AFAP1: variants seen among roughly 807,000 people sequenced by gnomAD.
AFAP1 encodes actin filament associated protein 1.
In AFAP1, 75 loss-of-function variants were observed where a neutral mutation model predicts 93.9. The ratio of observed to expected loss-of-function variants is 0.80; its 90% CI spans 0.66 to 0.97. The LOEUF (loss-of-function observed/expected upper bound fraction) is 0.97, where lower values mean the gene tolerates loss of function less well. Among genes scored for constraint, AFAP1 ranks in the 50% least tolerant of loss-of-function variants. The pLI, the probability that AFAP1 is intolerant of heterozygous loss-of-function variation, is 0.00. For synonymous variants in AFAP1, 517 were observed against 430.7 expected, an observed-to-expected ratio of 1.20 and a Z score of -2.48; for missense variants, 1,201 against 1,050.8, an observed-to-expected ratio of 1.14 and a Z score of -1.98.
At position 7,762,683 on chromosome 4, in the gene AFAP1, G is replaced by C. The variant is rs991435665; in HGVS notation, c.*1082C>G. ...CTACTCAGGAGAGGCAGCACGGCCA[G>C]GCCCACCAACACATTAGTGGTTTAA... is the stretch of plus-strand genomic sequence containing the variant. On this transcript the variant is annotated 3_prime_UTR_variant, in exon 18 of 18. Transcript: ENST00000420658. 6.6e-6 allele frequency: 1 copy of C among 152,316 alleles called. No homozygotes were observed. The highest frequency in any genetic ancestry group is 1.5e-5 in the Non-Finnish European group (1 of 68,086). 9.4% of individuals were successfully genotyped at this position (152,316 alleles called of 1,614,324 possible).
intron 17 of AFAP1, among the ~76,000 whole-genome samples, chr4:7,767,968 T>C (rs1714846953): frequency 6.6e-6 from 1 of 152,096 alleles, no homozygotes; most frequent in Non-Finnish European, 1.5e-5. Context: ...CCCAGCTACT[T>C]GGGAGGCTGA....
intron 11 of AFAP1, among the ~76,000 whole-genome samples, chr4:7,792,439 C>G (rs989127810): frequency 6.6e-6 from 1 of 152,140 alleles, no homozygotes; most frequent in Non-Finnish European, 1.5e-5. Flanking sequence ...TGCAAATTTT[C>G]CAGAATTCTA....
chr4:7,838,585 T>A lies in AFAP1; in HGVS notation c.665A>T (p.Gln222Leu). The change falls in exon 6 of 18, where the codon CAG becomes CTG. Residue 222 changes from glutamine (Q) to leucine (L), a missense_variant. Gln to Leu is a moderately radical substitution (Grantham distance 113). Transcript: ENST00000420658. ...KKKHELKITQ[Q>L]GTDPLVLAVQ... is the part of the protein sequence containing the mutation. ...GGCGAGAACAAGCGGGTCCGTGCCC[T>A]GCTGAGTAATCTTCAGCTCGTGCTT... 1 of 1,614,224 alleles carries A rather than the reference T, an allele frequency of 6.2e-7. No homozygotes were observed. The highest frequency in any genetic ancestry group is 8.5e-7 in the Non-Finnish European group (1 of 1,180,044).
At chr4:7,897,140 A>G (rs555563320) in intron 1 of AFAP1, among the ~76,000 whole-genome samples, 38 of 152,162 alleles carry the variant, frequency 2.5e-4, no homozygotes, top group African/African-American at 5.5e-4. Flanking sequence ...ACCATTTCCA[A>G]CTGCCTTCTT....
intron 3 of AFAP1, among the ~76,000 whole-genome samples, chr4:7,856,076 G>C (rs1202230889): frequency 6.6e-6 from 1 of 152,168 alleles, no homozygotes; most frequent in Admixed American, 6.5e-5. Context: ...GTGAGTTGGT[G>C]AGCCACACTG....
rs1178952476 is a variant in AFAP1 at position 7,800,488 on chromosome 4, A to G, written c.1220T>C (p.Leu407Pro). Residue 407 changes from leucine to proline, a missense_variant, in exon 10 of 18, where the codon CTG becomes CCG. By Grantham distance (98) the Leu-to-Pro change is moderately conservative. Transcript: ENST00000420658. ...GCCGTTGCGCAGCAGCCGGAACGTC[A>G]GAGGATGTTTAGAATCCAAACCCGG... ...VIPGLDSKHP[L>P]TFRLLRNGQE... 6.2e-7 allele frequency: 1 copy of G among 1,614,266 alleles called. No homozygotes were observed. Among genetic ancestry groups the G allele is most frequent in the Admixed American group, 1.7e-5 (1 of 60,032 alleles).
chr4:7,882,953 G>C (rs745714847), intron 1 of AFAP1, among the ~76,000 whole-genome samples: 4 of 152,100 alleles, frequency 2.6e-5, no homozygotes, highest in Non-Finnish European at 5.9e-5. Flanking sequence ...GGGAGGCCTA[G>C]TCAGGCAGAT....
At chr4:7,838,253 A>C (rs183036536) in intron 6 of AFAP1, among the ~76,000 whole-genome samples, 129 of 152,308 alleles carry the variant, frequency 8.5e-4, no homozygotes, top group Admixed American at 1.6e-3. Context: ...ATGCAGACAC[A>C]ATAAAGTGAC....
intron 6 of AFAP1, among the ~76,000 whole-genome samples, chr4:7,829,356 C>A (rs543086691): frequency 2.6e-5 from 4 of 152,244 alleles, no homozygotes; most frequent in African/African-American, 9.6e-5. Context: ...TTGTGGGATG[C>A]CATTTACCCT....
At chr4:7,857,693 G>C (rs376479132) in intron 3 of AFAP1, among the ~76,000 whole-genome samples, 3 of 152,314 alleles carry the variant, frequency 2.0e-5, no homozygotes, top group African/African-American at 7.2e-5. Context: ...TTGATTCACT[G>C]AGTATCTTTT....
rs186047309 is a variant in AFAP1, at chr4:7,836,507, C to T, written c.726+2017G>A. Among the ~76,000 whole-genome samples, 285 of 152,286 alleles carry T rather than the reference C, an allele frequency of 1.9e-3. 6 individuals carry two copies. Among genetic ancestry groups the T allele is most frequent in the Admixed American group, 0.017 (267 of 15,302 alleles). On this transcript the variant is annotated intron_variant, in intron 6 of 17. Transcript: ENST00000420658. The stretch of plus-strand genomic sequence containing the variant: ...TATCACCCAGGCTGGAGTACAGTGG[C>T]GCAGTCACAACTCACTGCAGCCTCA...
At chr4:7,872,144 C>T (rs894013975) in intron 1 of AFAP1, 64 bp from the exon 2 acceptor site, 3 of 1,578,804 alleles carry the variant, frequency 1.9e-6, no homozygotes, top group South Asian at 1.1e-5. Flanking sequence ...AGTATGAATA[C>T]TGAGTCTTAC....
intron 14 of AFAP1, 84 bp downstream of exon 14, chr4:7,778,678 C>G (rs113375353): frequency 7.4e-7 from 1 of 1,353,732 alleles, no homozygotes. Context: ...CAAGCTGGCA[C>G]TCACGGGTGG....
intron 15 of AFAP1, 190 bp downstream of exon 15, chr4:7,774,549 G>A (rs1051077839): frequency 1.1e-4 from 93 of 865,960 alleles, no homozygotes; most frequent in Admixed American, 1.3e-4. Flanking sequence ...CCGCATGTTT[G>A]ACCACACAGG....
chr4:7,815,978 T>C (rs747416424), intron 8 of AFAP1, 40 bp downstream of exon 8: 1 of 1,544,928 alleles, frequency 6.5e-7, no homozygotes, highest in Non-Finnish European at 8.7e-7. Flanking sequence ...TTTGTTTTTT[T>C]TTTTAGTGTA....
At chr4:7,860,891 C>T in intron 3 of AFAP1, among the ~76,000 whole-genome samples, 1 of 152,226 alleles carries the variant, frequency 6.6e-6, no homozygotes, top group East Asian at 1.9e-4. Flanking sequence ...AGACCCAGCA[C>T]CTTCATGCCT....
intron 3 of AFAP1, among the ~76,000 whole-genome samples, chr4:7,858,475 C>T (rs188174881): frequency 4.6e-5 from 7 of 152,216 alleles, no homozygotes; most frequent in East Asian, 1.9e-4. Context: ...TAAAGTCAAA[C>T]AGGAGAAGGG....
intron 6 of AFAP1, among the ~76,000 whole-genome samples, chr4:7,827,200 T>G: frequency 6.7e-6 from 1 of 149,678 alleles, no homozygotes; most frequent in African/African-American, 2.5e-5. Flanking sequence ...ACGGAAGGAG[T>G]GAAGGAAACC....
At chr4:7,796,055 G>A (rs550114309) in intron 10 of AFAP1, among the ~76,000 whole-genome samples, 1 of 152,042 alleles carries the variant, frequency 6.6e-6, no homozygotes, top group Non-Finnish European at 1.5e-5. Flanking sequence ...ACATATAAAC[G>A]TGTGAATGTG....
Sources: allele counts gnomAD v4.1 joint callset (sites outside exome capture counted in the v4.1 genomes callset), GRCh38; gene constraint gnomAD v4.1.1; transcripts MANE v1.5; gene names NCBI Gene and HGNC (gene_info 2026-07-23, HGNC 2026-07-21).